LRMDA: variants seen among roughly 807,000 people sequenced by gnomAD.
The protein encoded by LRMDA is leucine rich melanocyte differentiation associated.
In LRMDA, 18 loss-of-function variants were observed where a neutral mutation model predicts 29.8. The observed-to-expected ratio is 0.60, with a 90% CI of 0.42 to 0.90. The LOEUF is 0.90. Ranked by LOEUF, LRMDA falls within the 40% of genes least tolerant of loss-of-function variation. The pLI is 0.00. For missense variants in LRMDA, 273 were observed against 273.9 expected, an observed-to-expected ratio of 1.00 and a Z score of 0.02; for synonymous variants, 125 against 109.4, an observed-to-expected ratio of 1.14 and a Z score of -0.89.
At chr10:75,824,300 T>C (rs1345566476) in intron 2 of LRMDA, among the ~76,000 whole-genome samples, 1 of 152,222 alleles carries the variant, frequency 6.6e-6, no homozygotes, top group African/African-American at 2.4e-5. Context: ...ATATTTCTAT[T>C]GGGCAATGCT....
intron 2 of LRMDA, among the ~76,000 whole-genome samples, chr10:75,631,544 G>T (rs915932914): frequency 6.6e-6 from 1 of 152,028 alleles, no homozygotes; most frequent in African/African-American, 2.4e-5. Context: ...CACGTCCTTT[G>T]TGTGAGCCTG....
At chr10:76,001,887 C>A (rs1847569268) in intron 2 of LRMDA, among the ~76,000 whole-genome samples, 3 of 152,092 alleles carry the variant, frequency 2.0e-5, no homozygotes, top group Non-Finnish European at 1.5e-5. Flanking sequence ...CCCAAATGGG[C>A]TTGTTGGAAA....
At chr10:76,302,292 C>T (rs941215196) in intron 5 of LRMDA, among the ~76,000 whole-genome samples, 1 of 152,154 alleles carries the variant, frequency 6.6e-6, no homozygotes, top group African/African-American at 2.4e-5. Flanking sequence ...CCCTGTTGCT[C>T]CATCTTGAGA....
rs1845286511 is a variant in LRMDA at position 75,516,208 on chromosome 10, G to A, written c.131+77714G>A. Among the ~76,000 whole-genome samples the A allele has an allele frequency of 2.0e-5, 3 of 152,248 alleles. No homozygotes were observed. The East Asian group carries it at 5.8e-4, about 29-fold the overall frequency. On this transcript the variant is annotated intron_variant, in intron 2 of 6. Coordinates refer to ENST00000611255, the MANE Select transcript of LRMDA (RefSeq NM_001305581.2). ...ATAGTAGCATGATTTATTATACTTT[G>A]GGTATATACCCAGTAATGGAATTGC...
chr10:76,140,602 T>C (rs1377177308), intron 5 of LRMDA, among the ~76,000 whole-genome samples: 4 of 152,120 alleles, frequency 2.6e-5, no homozygotes, highest in Non-Finnish European at 5.9e-5. Flanking sequence ...ATGGGAACTT[T>C]GAAATGAAGC....
At chr10:76,420,128 A>G (rs1005762352) in intron 6 of LRMDA, among the ~76,000 whole-genome samples, 2 of 151,944 alleles carry the variant, frequency 1.3e-5, no homozygotes, top group African/African-American at 4.8e-5. Context: ...AGTTCATTTA[A>G]TATTGGTGTT....
chr10:75,928,042 ACATCATCATCATCATCAT>A (rs3042520), intron 2 of LRMDA, among the ~76,000 whole-genome samples: 49,082 of 150,744 alleles, frequency 0.33, 9,633 homozygotes, highest in Non-Finnish European at 0.44. Context: ...TTTTAGTTTA[ACATCATCATCATCATCAT>A]CATCATCATC....
At chr10:75,648,072 AG>A (rs1370455184) in intron 2 of LRMDA, among the ~76,000 whole-genome samples, 1 of 152,230 alleles carries the variant, frequency 6.6e-6, no homozygotes, top group Non-Finnish European at 1.5e-5. Flanking sequence ...GGGATATAAC[AG>A]GGAACCTGCT....
intron 5 of LRMDA, among the ~76,000 whole-genome samples, chr10:76,084,364 ATTTTTTTTTTTTTTTTT>A (rs71024586): frequency 8.5e-5 from 6 of 70,928 alleles, no homozygotes; most frequent in South Asian, 5.4e-4. Flanking sequence ...CGCCCAGCTA[ATTTTTTTTTTTTTTTTT>A]TTTTTTTTTT....
Position 76,314,247 on chromosome 10 carries a change from G to T in LRMDA, c.517-10154G>T, listed in dbSNP as rs993066829. ...GACACAACATCCTTTTTTTGTTGTT[G>T]TTTTTAAGAAATGGAATTTTGCCAT... is the stretch of plus-strand genomic sequence containing the variant. On this transcript the variant is annotated intron_variant, in intron 5 of 6. Transcript: ENST00000611255. Among the ~76,000 whole-genome samples the T allele has an allele frequency of 2.6e-4, 40 of 151,988 alleles. 1 individual carries two copies. Among genetic ancestry groups the T allele is most frequent in the Non-Finnish European group, 1.5e-5 (1 of 67,968 alleles).
chr10:76,161,361 T>G (rs1564671236), intron 5 of LRMDA, among the ~76,000 whole-genome samples: 1 of 152,160 alleles, frequency 6.6e-6, no homozygotes, highest in Non-Finnish European at 1.5e-5. Context: ...ATTATACATG[T>G]AATTCATCCT....
At position 76,559,299 on chromosome 10, in the gene LRMDA, A is replaced by ATGT. The variant is rs1279257890; in HGVS notation, c.*2012_*2014dup. On this transcript the variant is annotated 3_prime_UTR_variant, in exon 7 of 7. Transcript: ENST00000611255. The stretch of plus-strand genomic sequence containing the variant: ...AGAACCATTTGTATCATGCGCAGGA[A>ATGT]TGTCTCCCTCAATGTGAGCTTTGGA... 1 of 152,192 alleles carries ATGT rather than the reference A, an allele frequency of 6.6e-6. No homozygotes were observed. The highest frequency in any genetic ancestry group is 2.4e-5 in the African/African-American group (1 of 41,444). The allele number at this position is 152,192 out of a possible 1,614,324, so 9.4% of individuals were successfully genotyped here.
intron 2 of LRMDA, among the ~76,000 whole-genome samples, chr10:75,609,361 G>A (rs1840999563): frequency 6.6e-6 from 1 of 152,126 alleles, no homozygotes; most frequent in African/African-American, 2.4e-5. Context: ...CAATTAATTG[G>A]AACTTAAAAC....
intron 5 of LRMDA, among the ~76,000 whole-genome samples, chr10:76,171,630 G>A (rs530882067): frequency 6.6e-5 from 10 of 152,286 alleles, no homozygotes; most frequent in Admixed American, 1.3e-4. Flanking sequence ...GATTTGAAAC[G>A]TAACCACAGC....
chr10:75,476,806 A>G (rs761951133), intron 2 of LRMDA, among the ~76,000 whole-genome samples: 25 of 152,174 alleles, frequency 1.6e-4, no homozygotes, highest in Non-Finnish European at 3.2e-4. Context: ...CTTAAACAAC[A>G]TAAATTTATT....
intron 6 of LRMDA, among the ~76,000 whole-genome samples, chr10:76,398,435 G>A (rs1841812672): frequency 6.6e-6 from 1 of 152,200 alleles, no homozygotes; most frequent in Non-Finnish European, 1.5e-5. Flanking sequence ...CATAGAGGCA[G>A]TATTCATTTC....
intron 2 of LRMDA, among the ~76,000 whole-genome samples, chr10:75,770,586 T>A (rs2132234527): frequency 6.6e-6 from 1 of 152,336 alleles, no homozygotes; most frequent in East Asian, 1.9e-4. Context: ...TTCCAGAAAC[T>A]TTTTGTGAAT....
chr10:75,845,366 A>C (rs1418613653), intron 2 of LRMDA, among the ~76,000 whole-genome samples: 1 of 152,230 alleles, frequency 6.6e-6, no homozygotes, highest in Non-Finnish European at 1.5e-5. Context: ...TACCAGACAT[A>C]TCAAGTATAA....
intron 6 of LRMDA, among the ~76,000 whole-genome samples, chr10:76,426,468 A>G (rs1426433262): frequency 6.6e-6 from 1 of 152,012 alleles, no homozygotes; most frequent in East Asian, 1.9e-4. Context: ...TTTCTTGTAA[A>G]TTTGTTGGAG....
Sources: allele counts gnomAD v4.1 joint callset (sites outside exome capture counted in the v4.1 genomes callset), GRCh38; gene constraint gnomAD v4.1.1; transcripts MANE v1.5; gene names NCBI Gene and HGNC (gene_info 2026-07-23, HGNC 2026-07-21).